The following GLRB variants were observed in gnomAD, a reference collection of about 807,000 sequenced individuals.
The protein encoded by GLRB is glycine receptor beta.
GLRB carries 33 observed loss-of-function variants against 54.2 expected under a neutral mutation model. The observed-to-expected ratio is 0.61, with a 90% confidence interval of 0.46 to 0.81. The LOEUF is 0.81. Among genes scored for constraint, GLRB ranks in the 40% least tolerant of loss-of-function variants. The pLI, the probability that GLRB is intolerant of heterozygous loss-of-function variation, is 0.00. For missense variants in GLRB, 572 were observed against 584.6 expected, an observed-to-expected ratio of 0.98 and a Z score of 0.22; for synonymous variants, 209 against 208.2, an observed-to-expected ratio of 1.00 and a Z score of -0.03.
intron 3 of GLRB, among the ~76,000 whole-genome samples, chr4:157,121,749 A>AT (rs1735829597): frequency 6.6e-6 from 1 of 151,720 alleles, no homozygotes; most frequent in African/African-American, 2.4e-5. Flanking sequence ...AATTTGCAAC[A>AT]TTATACCTTA....
intron 4 of GLRB, among the ~76,000 whole-genome samples, chr4:157,122,699 G>A (rs926464533): frequency 1.3e-5 from 2 of 151,666 alleles, no homozygotes; most frequent in Non-Finnish European, 2.9e-5. Context: ...AGACTCTTGG[G>A]CAACAGTTTT....
Position 157,099,617 on chromosome 4 carries a change from T to A in GLRB, c.123-20939T>A, listed in dbSNP as rs534134428. On this transcript the variant is annotated intron_variant, in intron 2 of 9. Transcript: ENST00000264428. ...TCCCGAAGTGCTGGGATTACAGATG[T>A]GAGCCACTTTGCCCAGCCTGTTATG... is the stretch of plus-strand genomic sequence containing the variant. Among the ~76,000 whole-genome samples, 32 of 152,322 alleles carry A rather than the reference T, an allele frequency of 2.1e-4. 1 individual carries two copies. The South Asian group carries it at 6.2e-3, about 30-fold the overall frequency.
rs77683472 is a variant in GLRB, at chr4:157,157,093, G to A, written c.1197+4083G>A. ...TGTTGTCTCTACCAACACAGCAGCA[G>A]GGGTTGCCTTCCTGACCAATTGGTG... On this transcript the variant is annotated intron_variant, in intron 9 of 9. Coordinates refer to ENST00000264428, the MANE Select transcript of GLRB (RefSeq NM_000824.5). 3.1e-3 allele frequency among the ~76,000 whole-genome samples: 465 copies of A among 152,238 alleles called. 3 individuals carry two copies. Among genetic ancestry groups the A allele is most frequent in the African/African-American group, 0.01 (434 of 41,558 alleles).
At chr4:157,148,404 A>G (rs917690513) in intron 8 of GLRB, among the ~76,000 whole-genome samples, 4 of 151,858 alleles carry the variant, frequency 2.6e-5, no homozygotes, top group African/African-American at 9.7e-5. Flanking sequence ...TTTCCTTTCT[A>G]CTTACTTTGC....
chr4:157,160,057 C>T lies in GLRB; in HGVS notation c.1197+7047C>T, dbSNP rs544716915. On this transcript the variant is annotated intron_variant, in intron 9 of 9. Transcript: ENST00000264428. ...GGATTCAACTTCTTTCTGGTTTAGCCTTGGGAGGGTGTGTGTGTCGAGGAA... is the reference window on the plus strand; with the variant it reads ...GGATTCAACTTCTTTCTGGTTTAGCTTTGGGAGGGTGTGTGTGTCGAGGAA... 2.3e-3 allele frequency among the ~76,000 whole-genome samples: 353 copies of T among 152,228 alleles called. 1 individual carries two copies. Among genetic ancestry groups the T allele is most frequent in the African/African-American group, 7.2e-3 (298 of 41,538 alleles).
In GLRB at chr4:157,133,057, T is replaced by C. The variant is rs1026780377; in HGVS notation, c.298-3412T>C. Among the ~76,000 whole-genome samples, 4 of 151,938 alleles carry C rather than the reference T, an allele frequency of 2.6e-5. 1 individual carries two copies. In the South Asian group the frequency reaches 6.2e-4, roughly 24 times the overall value. On this transcript the variant is annotated intron_variant, in intron 4 of 9. Coordinates refer to ENST00000264428, the MANE Select transcript of GLRB (RefSeq NM_000824.5). ...TGAAGAATTAGTAAAATGTTAGCTT[T>C]AATAATGTTTAGCAGCCAACTAAAA...
At chr4:157,154,968 T>C (rs1187596275) in intron 9 of GLRB, among the ~76,000 whole-genome samples, 1 of 152,186 alleles carries the variant, frequency 6.6e-6, no homozygotes, top group Non-Finnish European at 1.5e-5. Flanking sequence ...TAAATACTTC[T>C]GCATACATTT....
At chr4:157,121,947 CA>C (rs917734894) in intron 3 of GLRB, among the ~76,000 whole-genome samples, 5 of 150,506 alleles carry the variant, frequency 3.3e-5, no homozygotes, top group African/African-American at 1.2e-4. Flanking sequence ...TAGAAAAATG[CA>C]AAAAAATGAA....
chr4:157,104,530 T>G (rs1026535385), intron 2 of GLRB, among the ~76,000 whole-genome samples: 1 of 151,456 alleles, frequency 6.6e-6, no homozygotes, highest in African/African-American at 2.4e-5. Flanking sequence ...TTTGATGTGT[T>G]TTTTTTTTCC....
At chr4:157,082,596 A>G (rs978870532) in intron 2 of GLRB, among the ~76,000 whole-genome samples, 1 of 152,182 alleles carries the variant, frequency 6.6e-6, no homozygotes, top group Non-Finnish European at 1.5e-5. Flanking sequence ...TGGTCTCAAT[A>G]TAAGGATACC....
At chr4:157,085,548 G>A (rs545517871) in intron 2 of GLRB, among the ~76,000 whole-genome samples, 2 of 152,250 alleles carry the variant, frequency 1.3e-5, no homozygotes, top group Non-Finnish European at 2.9e-5. Flanking sequence ...CCAGGCTGGA[G>A]TGCAATGGCA....
chr4:157,154,260 G>T (rs193028039), intron 9 of GLRB, among the ~76,000 whole-genome samples: 1 of 152,124 alleles, frequency 6.6e-6, no homozygotes, highest in Non-Finnish European at 1.5e-5. Context: ...ACAACATATA[G>T]TTGGTGTTTG....
chr4:157,149,750 A>G (rs1485073957), intron 8 of GLRB, among the ~76,000 whole-genome samples: 1 of 152,040 alleles, frequency 6.6e-6, no homozygotes, highest in Non-Finnish European at 1.5e-5. Context: ...TGCACTTGCA[A>G]TTGCTCCTTG....
At chr4:157,161,620 G>T (rs965632621) in intron 9 of GLRB, among the ~76,000 whole-genome samples, 15 of 152,168 alleles carry the variant, frequency 9.9e-5, no homozygotes, top group Non-Finnish European at 2.1e-4. Context: ...GAAATTCTGA[G>T]TTGAAAATTC....
chr4:157,166,871 A>T (rs1042080722), intron 9 of GLRB, among the ~76,000 whole-genome samples: 1 of 152,080 alleles, frequency 6.6e-6, no homozygotes, highest in East Asian at 1.9e-4. Context: ...AACTGGATCA[A>T]ATCCTAATAT....
At chr4:157,109,312 C>T (rs1370507019) in intron 2 of GLRB, among the ~76,000 whole-genome samples, 2 of 151,938 alleles carry the variant, frequency 1.3e-5, no homozygotes, top group Non-Finnish European at 2.9e-5. Context: ...ATGTTCATTT[C>T]CTTCCTCAGA....
chr4:157,144,534 T>C (rs1560967658), intron 8 of GLRB, among the ~76,000 whole-genome samples: 1 of 152,206 alleles, frequency 6.6e-6, no homozygotes, highest in Non-Finnish European at 1.5e-5. Context: ...GTCTGTATAA[T>C]GGCTAAAAAG....
At chr4:157,142,361 A>G (rs1736649328) in intron 7 of GLRB, among the ~76,000 whole-genome samples, 1 of 152,162 alleles carries the variant, frequency 6.6e-6, no homozygotes, top group Non-Finnish European at 1.5e-5. Context: ...CTTTAATATA[A>G]TATGGAAGCA....
intron 9 of GLRB, among the ~76,000 whole-genome samples, chr4:157,166,772 A>G (rs1737726023): frequency 6.6e-6 from 1 of 152,092 alleles, no homozygotes; most frequent in South Asian, 2.1e-4. Context: ...TTATGGCTTC[A>G]ACACTGAAAA....
Sources: allele counts gnomAD v4.1 joint callset (sites outside exome capture counted in the v4.1 genomes callset), GRCh38; gene constraint gnomAD v4.1.1; transcripts MANE v1.5; gene names NCBI Gene and HGNC (gene_info 2026-07-23, HGNC 2026-07-21).